KLF12: variants seen among roughly 807,000 people sequenced by gnomAD.
The protein encoded by KLF12 is KLF transcription factor 12, also known as Krueppel-like factor 12.
KLF12 carries 9 observed loss-of-function variants against 37.8 expected under a neutral mutation model. That is an observed-to-expected ratio of 0.24 (90% CI 0.14 to 0.42). The LOEUF (loss-of-function observed/expected upper bound fraction) is 0.42, where lower values mean the gene tolerates loss of function less well. KLF12 is among the 10% of genes least tolerant of loss of function. KLF12 has a pLI of 1.00. For missense variants in KLF12, 411 were observed against 516.0 expected (o/e 0.80, Z 1.97); for synonymous variants, 208 against 202.1 (o/e 1.03, Z -0.25).
At chr13:73,862,754 T>C (rs2138815390) in intron 3 of KLF12, among the ~76,000 whole-genome samples, 1 of 152,286 alleles carries the variant, frequency 6.6e-6, no homozygotes, top group South Asian at 2.1e-4. Flanking sequence ...TATTTATTAC[T>C]GAATAAATAA....
intron 1 of KLF12, among the ~76,000 whole-genome samples, chr13:74,071,483 G>A (rs1013998600): frequency 2.0e-5 from 3 of 151,842 alleles, no homozygotes; most frequent in African/African-American, 4.8e-5. Flanking sequence ...TCAGGAGATC[G>A]AGACCATCCT....
chr13:73,778,551 G>A (rs1197241828), intron 5 of KLF12, among the ~76,000 whole-genome samples: 1 of 152,010 alleles, frequency 6.6e-6, no homozygotes, highest in Non-Finnish European at 1.5e-5. Flanking sequence ...GTAGAGATGA[G>A]GTGAGGCCTC....
intron 5 of KLF12, chr13:73,800,674 A>G (rs1206692513): frequency 1.3e-5 from 2 of 152,026 alleles, no homozygotes; most frequent in Non-Finnish European, 2.9e-5. Flanking sequence ...CAAAATAATC[A>G]TTTTACCTAA....
chr13:73,920,985 C>T (rs1889085628), intron 3 of KLF12, among the ~76,000 whole-genome samples: 1 of 152,094 alleles, frequency 6.6e-6, no homozygotes, highest in Admixed American at 6.6e-5. Flanking sequence ...TCTTGGGTCT[C>T]CTTCTAAAAT....
chr13:74,270,657 T>A, the KLF12 span, among the ~76,000 whole-genome samples: 24 of 152,338 alleles, frequency 1.6e-4, no homozygotes, highest in African/African-American at 5.5e-4. Flanking sequence ...AACACTTTGC[T>A]GAGTTCTGTG....
the KLF12 span, among the ~76,000 whole-genome samples, chr13:74,158,948 C>A: frequency 6.6e-6 from 1 of 152,094 alleles, no homozygotes; most frequent in Non-Finnish European, 1.5e-5. Context: ...TAAAAGAGCT[C>A]CTACATTGAT....
In KLF12 at chr13:73,852,648, G is replaced by T. The variant is rs573663468; in HGVS notation, c.124-6275C>A. Among the ~76,000 whole-genome samples, 237 of 151,820 alleles carry T rather than the reference G, an allele frequency of 1.6e-3. 1 individual carries two copies. The highest frequency in any genetic ancestry group is 3.0e-3 in the Non-Finnish European group (204 of 67,940). On this transcript the variant is annotated intron_variant, in intron 3 of 7. Transcript: ENST00000377669. ...AAAAATTAGCCGGGCGTGGTGGCGCGTGCCTGTAATCTCAGCTACTGGGGA... is the reference window on the plus strand; with the variant it reads ...AAAAATTAGCCGGGCGTGGTGGCGCTTGCCTGTAATCTCAGCTACTGGGGA...
intron 3 of KLF12, among the ~76,000 whole-genome samples, chr13:73,913,037 G>C (rs1211836021): frequency 2.4e-4 from 37 of 152,170 alleles, no homozygotes; most frequent in Non-Finnish European, 8.8e-5. Context: ...ACTGTGCTGA[G>C]CTGTTTTCCC....
intron 1 of KLF12, among the ~76,000 whole-genome samples, chr13:74,008,881 C>A (rs1213464846): frequency 6.6e-6 from 1 of 152,208 alleles, no homozygotes; most frequent in Non-Finnish European, 1.5e-5. Flanking sequence ...CTGCTTCAGG[C>A]AGGAATAAAA....
At chr13:74,052,402 C>CT (rs988401907) in intron 1 of KLF12, among the ~76,000 whole-genome samples, 22 of 151,938 alleles carry the variant, frequency 1.4e-4, no homozygotes, top group Non-Finnish European at 1.6e-4. Flanking sequence ...AGCGTCTACT[C>CT]TTTTTTTTAA....
the KLF12 span, chr13:74,259,888 C>T: frequency 6.6e-6 from 1 of 152,176 alleles, no homozygotes; most frequent in African/African-American, 2.4e-5. Context: ...ACTCCTAGAC[C>T]TGGCCTACTG....
At chr13:73,736,886 T>C (rs914361689) in intron 6 of KLF12, among the ~76,000 whole-genome samples, 2 of 152,176 alleles carry the variant, frequency 1.3e-5, no homozygotes, top group South Asian at 2.1e-4. Context: ...CTAATAAATA[T>C]ACTCCAACAT....
chr13:73,896,035 T>G (rs1231081730), intron 3 of KLF12, among the ~76,000 whole-genome samples: 2 of 152,104 alleles, frequency 1.3e-5, no homozygotes, highest in Non-Finnish European at 2.9e-5. Flanking sequence ...TTGGCCAGGC[T>G]GGTCTTGAAC....
chr13:74,208,228 AGGTG>A, the KLF12 span, among the ~76,000 whole-genome samples: 1 of 152,206 alleles, frequency 6.6e-6, no homozygotes, highest in East Asian at 1.9e-4. Flanking sequence ...CACATTGAAG[AGGTG>A]ATCTCTTCTC....
chr13:73,999,467 C>T (rs1162154716), intron 1 of KLF12, among the ~76,000 whole-genome samples: 1 of 152,198 alleles, frequency 6.6e-6, no homozygotes, highest in Non-Finnish European at 1.5e-5. Context: ...GGCACAGTGG[C>T]TCACGCCTGT....
At chr13:74,199,566 T>C in the KLF12 span, among the ~76,000 whole-genome samples, 1 of 152,130 alleles carries the variant, frequency 6.6e-6, no homozygotes, top group South Asian at 2.1e-4. Context: ...TCTCAAATAT[T>C]GGCACACAAA....
At chr13:73,892,556 G>T (rs970259220) in intron 3 of KLF12, among the ~76,000 whole-genome samples, 1 of 152,078 alleles carries the variant, frequency 6.6e-6, no homozygotes, top group African/African-American at 2.4e-5. Flanking sequence ...ACAAAAAACA[G>T]TTAAACTCTT....
intron 5 of KLF12, among the ~76,000 whole-genome samples, chr13:73,769,184 T>C (rs1266698167): frequency 6.6e-6 from 1 of 152,220 alleles, no homozygotes; most frequent in Non-Finnish European, 1.5e-5. Context: ...ACAACACATG[T>C]AAATTTTAGA....
the KLF12 span, among the ~76,000 whole-genome samples, chr13:74,181,031 C>T: frequency 4.6e-5 from 7 of 151,990 alleles, no homozygotes; most frequent in African/African-American, 1.4e-4. Context: ...CGGAGTCTTG[C>T]TTTGTTGCCC....
Sources: allele counts gnomAD v4.1 joint callset (sites outside exome capture counted in the v4.1 genomes callset), GRCh38; gene constraint gnomAD v4.1.1; transcripts MANE v1.5; gene names NCBI Gene and HGNC (gene_info 2026-07-23, HGNC 2026-07-21).